SGCZ: variants seen among roughly 807,000 people sequenced by gnomAD.
SGCZ encodes the protein sarcoglycan zeta, also known as zeta-sarcoglycan.
A neutral mutation model predicts 41.3 loss-of-function variants in SGCZ; 40 were observed. The ratio of observed to expected loss-of-function variants is 0.97; its 90% CI spans 0.75 to 1.26. The LOEUF is 1.26. Among genes scored for constraint, SGCZ ranks in the 50% most tolerant of loss-of-function variants. The pLI is 0.00. For missense variants in SGCZ, 552 were observed against 369.8 expected, an observed-to-expected ratio of 1.49 and a Z score of -4.04; for synonymous variants, 206 against 137.5, an observed-to-expected ratio of 1.50 and a Z score of -3.49.
chr8:14,662,746 C>A (rs1001807196), intron 1 of SGCZ, among the ~76,000 whole-genome samples: 2 of 152,096 alleles, frequency 1.3e-5, no homozygotes, highest in Non-Finnish European at 2.9e-5. Context: ...GGAGATTATC[C>A]TGCATTATCC....
chr8:14,702,255 C>T (rs1345908184), intron 1 of SGCZ, among the ~76,000 whole-genome samples: 2 of 151,822 alleles, frequency 1.3e-5, no homozygotes, highest in Non-Finnish European at 2.9e-5. Flanking sequence ...CCTGGTTTTC[C>T]TCCCACATTA....
intron 1 of SGCZ, among the ~76,000 whole-genome samples, chr8:14,613,020 C>G (rs1288134651): frequency 6.6e-6 from 1 of 152,070 alleles, no homozygotes; most frequent in Non-Finnish European, 1.5e-5. Flanking sequence ...AAAAAAGCCT[C>G]CTGGTCTGGG....
intron 3 of SGCZ, among the ~76,000 whole-genome samples, chr8:14,270,312 A>G (rs1485031959): frequency 6.6e-6 from 1 of 152,176 alleles, no homozygotes; most frequent in Non-Finnish European, 1.5e-5. Context: ...TGCCTGGGTA[A>G]CAGAGTAAAA....
At chr8:14,811,594 A>T (rs1801740527) in intron 1 of SGCZ, among the ~76,000 whole-genome samples, 1 of 144,398 alleles carries the variant, frequency 6.9e-6, no homozygotes, top group African/African-American at 2.5e-5. Context: ...AGGGCCAGAA[A>T]AAGAGAAGGT....
intron 1 of SGCZ, among the ~76,000 whole-genome samples, chr8:14,708,335 C>T (rs1484970015): frequency 6.6e-6 from 1 of 151,604 alleles, no homozygotes. Context: ...TAGTAAATAT[C>T]TATTATTTGT....
intron 3 of SGCZ, chr8:14,309,537 A>G (rs1348599893): frequency 1.9e-6 from 3 of 1,610,238 alleles, no homozygotes; most frequent in Middle Eastern, 2.3e-4. Context: ...TGTGAAAACA[A>G]AGAAGCTGTT....
chr8:14,990,294 C>G (rs537225145), intron 1 of SGCZ, among the ~76,000 whole-genome samples: 3 of 152,120 alleles, frequency 2.0e-5, no homozygotes, highest in African/African-American at 7.2e-5. Flanking sequence ...TACCACATCC[C>G]TTTTAAAAAG....
At chr8:14,197,478 A>G (rs551520014) in intron 4 of SGCZ, among the ~76,000 whole-genome samples, 2 of 152,238 alleles carry the variant, frequency 1.3e-5, no homozygotes, top group Non-Finnish European at 1.5e-5. Context: ...TTATCACAAG[A>G]ATGCAAGGCT....
intron 2 of SGCZ, among the ~76,000 whole-genome samples, chr8:14,440,405 A>T (rs991397345): frequency 1.2e-4 from 19 of 152,126 alleles, no homozygotes; most frequent in Non-Finnish European, 2.8e-4. Context: ...GGTCTTCAAC[A>T]TTATTACATT....
At chr8:14,749,537 C>T (rs1753708583) in intron 1 of SGCZ, among the ~76,000 whole-genome samples, 1 of 152,092 alleles carries the variant, frequency 6.6e-6, no homozygotes, top group African/African-American at 2.4e-5. Flanking sequence ...GGAATTCTGT[C>T]TTATGTTACT....
chr8:14,368,419 C>G (rs1003540429), intron 2 of SGCZ, among the ~76,000 whole-genome samples: 1 of 151,970 alleles, frequency 6.6e-6, no homozygotes, highest in Non-Finnish European at 1.5e-5. Context: ...AAGGGTTTTA[C>G]GGCATCAGCA....
At chr8:15,155,274 G>A (rs139147378) in intron 1 of SGCZ, among the ~76,000 whole-genome samples, 2,440 of 152,172 alleles carry the variant, frequency 0.016, 73 homozygotes, top group African/African-American at 0.055. Context: ...CAGCCTGGGT[G>A]ACAGACCCAG....
At chr8:14,112,848 C>G (rs1180390545) in intron 5 of SGCZ, among the ~76,000 whole-genome samples, 1 of 151,790 alleles carries the variant, frequency 6.6e-6, no homozygotes, top group Admixed American at 6.6e-5. Context: ...TCCTTAAATA[C>G]TAGTGGAAAT....
At chr8:14,572,591 C>A (rs908767051) in intron 1 of SGCZ, among the ~76,000 whole-genome samples, 4 of 152,088 alleles carry the variant, frequency 2.6e-5, no homozygotes, top group African/African-American at 7.2e-5. Context: ...CTAGCAGGGG[C>A]AGGAGACATA....
At chr8:14,761,958 T>C (rs1308861690) in intron 1 of SGCZ, among the ~76,000 whole-genome samples, 1 of 152,172 alleles carries the variant, frequency 6.6e-6, no homozygotes, top group Admixed American at 6.5e-5. Flanking sequence ...CCAATTTCTC[T>C]AACATATGAG....
At position 14,811,546 on chromosome 8, in the gene SGCZ, T is replaced by TTTC. The variant is rs1554504186; in HGVS notation, c.40-256621_40-256620insGAA. On this transcript the variant is annotated intron_variant, in intron 1 of 7. Transcript: ENST00000382080. ...TTTTTTTTTTTTTTTTTTTTTTTTT[T>TTTC]CGGAATCACACTCCACTCCTTATAG... Among the ~76,000 whole-genome samples the TTTC allele has an allele frequency of 1.5e-4, 22 of 145,604 alleles. 1 individual carries two copies. Among genetic ancestry groups the TTTC allele is most frequent in the East Asian group, 4.0e-4 (2 of 4,994 alleles).
chr8:14,718,491 T>A (rs1192379326), intron 1 of SGCZ, among the ~76,000 whole-genome samples: 1 of 152,014 alleles, frequency 6.6e-6, no homozygotes, highest in Non-Finnish European at 1.5e-5. Context: ...CCCAAATCAA[T>A]GATAACTATA....
intron 1 of SGCZ, among the ~76,000 whole-genome samples, chr8:14,758,085 T>C (rs1331109495): frequency 1.3e-5 from 2 of 152,182 alleles, no homozygotes; most frequent in African/African-American, 4.8e-5. Flanking sequence ...TCCTACATGA[T>C]TATTTATTGT....
At chr8:14,349,350 C>T (rs1803006735) in intron 2 of SGCZ, among the ~76,000 whole-genome samples, 2 of 151,970 alleles carry the variant, frequency 1.3e-5, no homozygotes, top group African/African-American at 4.8e-5. Context: ...ATGGGTAGTT[C>T]CCCACAAAAA....
Sources: allele counts gnomAD v4.1 joint callset (sites outside exome capture counted in the v4.1 genomes callset), GRCh38; gene constraint gnomAD v4.1.1; transcripts MANE v1.5; gene names NCBI Gene and HGNC (gene_info 2026-07-23, HGNC 2026-07-21).